Variants in CTNNA2 observed in about 807,000 individuals in gnomAD.
CTNNA2 encodes catenin alpha-2.
A neutral mutation model predicts 101.0 loss-of-function variants in CTNNA2; 42 were observed. The observed-to-expected ratio is 0.42, with a 90% CI of 0.32 to 0.54. The LOEUF (loss-of-function observed/expected upper bound fraction) is 0.54. Ranked by LOEUF, CTNNA2 falls within the 20% of genes least tolerant of loss-of-function variation. The probability of loss-of-function intolerance (pLI) is 0.14; values close to 1 mark genes in which losing one functional copy is unlikely to be tolerated. For missense variants in CTNNA2, 871 were observed against 1,223.1 expected (o/e 0.71, Z 4.29); for synonymous variants, 450 against 456.4 (o/e 0.99, Z 0.18).
At chr2:80,288,505 A>T (rs1674966487) in intron 7 of CTNNA2, 2 of 152,232 alleles carry the variant, frequency 1.3e-5, no homozygotes, top group Non-Finnish European at 2.9e-5. Context: ...GCTGTTTATT[A>T]CAGATGTGCT....
chr2:80,435,427 A>G (rs1445984859), intron 9 of CTNNA2, among the ~76,000 whole-genome samples: 4 of 152,008 alleles, frequency 2.6e-5, no homozygotes, highest in Non-Finnish European at 4.4e-5. Flanking sequence ...TTTCTCTGTG[A>G]TCTTACTGCT....
Position 80,552,006 on chromosome 2 carries a change from T to C in CTNNA2, c.1541-3687T>C, listed in dbSNP as rs150021373. ...GTTGTTAATAGGCCTAATTTTAATA[T>C]TGTTGCGTCTCAGGGAATAAGAAGC... On this transcript the variant is annotated intron_variant, in intron 11 of 18. Coordinates refer to ENST00000402739, the MANE Select transcript of CTNNA2 (RefSeq NM_001282597.3). Among the ~76,000 whole-genome samples, 12 of 152,220 alleles carry C rather than the reference T, an allele frequency of 7.9e-5. No individual in the cohort carries two copies. The East Asian group carries it at 2.3e-3, about 30-fold the overall frequency.
chr2:80,021,665 T>C (rs1484471), intron 7 of CTNNA2, among the ~76,000 whole-genome samples: 8,253 of 152,242 alleles, frequency 0.054, 641 homozygotes, highest in African/African-American at 0.17. Flanking sequence ...ATGTGTACAT[T>C]ATGGAATGAC....
chr2:79,499,956 A>C (rs1197343212), intron 4 of CTNNA2, among the ~76,000 whole-genome samples: 1 of 152,224 alleles, frequency 6.6e-6, no homozygotes, highest in Non-Finnish European at 1.5e-5. Flanking sequence ...CGGTACAGAC[A>C]AATTTTGAAT....
intron 7 of CTNNA2, among the ~76,000 whole-genome samples, chr2:79,955,150 G>A (rs1250357932): frequency 6.6e-6 from 1 of 152,146 alleles, no homozygotes; most frequent in African/African-American, 2.4e-5. Flanking sequence ...AAAGTATGGA[G>A]CAGTATGACG....
At chr2:79,848,068 A>G (rs1318065996) in intron 3 of CTNNA2, among the ~76,000 whole-genome samples, 1 of 152,188 alleles carries the variant, frequency 6.6e-6, no homozygotes, top group East Asian at 1.9e-4. Flanking sequence ...AAGAATATAA[A>G]TAAGTCAGCA....
At position 79,577,500 on chromosome 2, in the gene CTNNA2, A is replaced by G. The variant is rs576606246; in HGVS notation, c.-6+64293A>G. ...TACCTTTTGATGCTTGAAGGAGGCT[A>G]TTACAAATTATTTCAGGCTTCAAAA... On this transcript the variant is annotated intron_variant, in intron 1 of 18. Coordinates refer to ENST00000402739, the MANE Select transcript of CTNNA2 (RefSeq NM_001282597.3). Among the ~76,000 whole-genome samples, 3 of 152,258 alleles carry G rather than the reference A, an allele frequency of 2.0e-5. No homozygotes were observed. The East Asian group carries it at 5.8e-4, about 29-fold the overall frequency.
intron 4 of CTNNA2, among the ~76,000 whole-genome samples, chr2:79,862,014 A>G (rs1372060813): frequency 2.0e-5 from 3 of 152,188 alleles, no homozygotes; most frequent in Admixed American, 6.5e-5. Context: ...CTGCATGTCA[A>G]TCAGTGATCA....
rs540253696 is a variant in CTNNA2 at position 79,534,506 on chromosome 2, A to C, written c.-6+21299A>C. 2.6e-5 allele frequency among the ~76,000 whole-genome samples: 4 copies of C among 151,650 alleles called. No homozygotes were observed. In the East Asian group the frequency reaches 7.7e-4, roughly 29 times the overall value. The stretch of plus-strand genomic sequence containing the variant: ...ATAGGTATTCTTTTTCAATTTAATT[A>C]TCTTAAAATGAAAACTTGTGAACAG... On this transcript the variant is annotated intron_variant, in intron 1 of 18. Transcript: ENST00000402739.
chr2:79,918,049 A>G (rs1227601200), intron 7 of CTNNA2, among the ~76,000 whole-genome samples: 1 of 152,112 alleles, frequency 6.6e-6, no homozygotes, highest in Non-Finnish European at 1.5e-5. Context: ...GGTCCTCTGA[A>G]AAGTATGACA....
At chr2:80,383,630 G>A (rs748531092) in intron 7 of CTNNA2, among the ~76,000 whole-genome samples, 1 of 152,240 alleles carries the variant, frequency 6.6e-6, no homozygotes, top group South Asian at 2.1e-4. Flanking sequence ...AGTTAGAAGG[G>A]GAATGGCCCC....
intron 3 of CTNNA2, among the ~76,000 whole-genome samples, chr2:79,364,734 T>A: frequency 6.6e-6 from 1 of 152,200 alleles, no homozygotes; most frequent in Non-Finnish European, 1.5e-5. Flanking sequence ...TCATTCTCCA[T>A]CAACTGTACT....
intron 7 of CTNNA2, among the ~76,000 whole-genome samples, chr2:80,255,651 C>G (rs1343787618): frequency 6.6e-6 from 1 of 152,076 alleles, no homozygotes; most frequent in Non-Finnish European, 1.5e-5. Context: ...TATGCCATGT[C>G]TGAATAAAAG....
intron 9 of CTNNA2, among the ~76,000 whole-genome samples, chr2:80,459,653 A>G (rs779978967): frequency 6.6e-5 from 10 of 152,114 alleles, no homozygotes; most frequent in Admixed American, 3.3e-4. Context: ...GAACATACCA[A>G]TCTGTCCCAG....
At chr2:80,115,348 T>A (rs1261898021) in intron 7 of CTNNA2, among the ~76,000 whole-genome samples, 1 of 152,176 alleles carries the variant, frequency 6.6e-6, no homozygotes, top group African/African-American at 2.4e-5. Flanking sequence ...TATACACTTA[T>A]GATAATTGGT....
intron 7 of CTNNA2, among the ~76,000 whole-genome samples, chr2:80,221,787 G>A: frequency 6.6e-6 from 1 of 152,206 alleles, no homozygotes; most frequent in East Asian, 1.9e-4. Flanking sequence ...GGTGGTATTG[G>A]ACAGCCAAAG....
intron 2 of CTNNA2, among the ~76,000 whole-genome samples, chr2:79,697,531 G>A (rs181768955): frequency 1.2e-4 from 18 of 152,126 alleles, no homozygotes; most frequent in Non-Finnish European, 1.0e-4. Context: ...CAGTCTTCAG[G>A]TTTGTGATTT....
At chr2:79,471,089 A>T (rs1017902360) in intron 4 of CTNNA2, among the ~76,000 whole-genome samples, 1 of 152,144 alleles carries the variant, frequency 6.6e-6, no homozygotes, top group Non-Finnish European at 1.5e-5. Context: ...TTTTTATGAG[A>T]AAAGTAACTA....
At chr2:79,816,613 G>A (rs920653392) in intron 3 of CTNNA2, among the ~76,000 whole-genome samples, 1 of 152,142 alleles carries the variant, frequency 6.6e-6, no homozygotes, top group African/African-American at 2.4e-5. Context: ...CCGAGGCCAT[G>A]GAAGAAAAGC....
Sources: gnomAD v4.1 joint callset for allele counts (sites outside exome capture counted in the v4.1 genomes callset) on GRCh38, gnomAD v4.1.1 for gene constraint, MANE v1.5 for transcripts, NCBI Gene and HGNC (gene_info 2026-07-23, HGNC 2026-07-21) for gene names.